GRM6: variants seen among roughly 807,000 people sequenced by gnomAD.
GRM6 encodes metabotropic glutamate receptor 6.
GRM6 carries 73 observed loss-of-function variants against 78.4 expected under a neutral mutation model. That is an observed-to-expected ratio of 0.93 (90% confidence interval 0.77 to 1.13). The LOEUF is 1.13. GRM6 is among the 50% of genes most tolerant of loss of function. The pLI is 0.00. For missense variants in GRM6, 1,251 were observed against 1,256.4 expected, an observed-to-expected ratio of 1.00 and a Z score of 0.07; for synonymous variants, 580 against 555.0, an observed-to-expected ratio of 1.05 and a Z score of -0.63.
chr5:178,982,090 CACCTGGGGAAGCGGG>C (rs1561714816), intron 10 of GRM6, among the ~76,000 whole-genome samples: 1 of 152,178 alleles, frequency 6.6e-6, no homozygotes, highest in East Asian at 1.9e-4. Context: ...AACAGAGAGA[CACCTGGGGAAGCGGG>C]AGCCGGGGCA....
At position 178,991,808 on chromosome 5, in the gene GRM6, C is replaced by A. The variant is rs767233448; in HGVS notation, c.721+59G>T. Reference sequence around the variant, plus strand: ...CCCCATCTTTCTGCTTCTGCCCCAACTGAGGGCCCCGGGCCCACACTATGT... The same window carrying A: ...CCCCATCTTTCTGCTTCTGCCCCAAATGAGGGCCCCGGGCCCACACTATGT... On this transcript the variant is annotated intron_variant, in intron 3 of 10. Coordinates refer to ENST00000517717, the MANE Select transcript of GRM6 (RefSeq NM_000843.4). The surrounding 1 kb of genome is among the most constrained non-coding windows in gnomAD (Gnocchi z 5.0). 4 of 1,446,768 alleles carry A rather than the reference C, an allele frequency of 2.8e-6. No individual in the cohort carries two copies. The highest frequency in any genetic ancestry group is 2.8e-5 in the African/African-American group (2 of 71,200). The allele number at this position is 1,446,768 out of a possible 1,614,324, so 89.6% of individuals were successfully genotyped here. A position where few individuals can be genotyped will look rare whatever the true frequency, so the allele number is the denominator to read the frequency against.
At chr5:178,993,848 A>C (rs757488684) in intron 2 of GRM6, among the ~76,000 whole-genome samples, 3 of 152,170 alleles carry the variant, frequency 2.0e-5, no homozygotes, top group Non-Finnish European at 4.4e-5. Flanking sequence ...GCAGGAGACC[A>C]GAGCTCAGAA....
intron 10 of GRM6, among the ~76,000 whole-genome samples, chr5:178,982,576 CAAAAAAAA>C (rs70997654): frequency 5.0e-5 from 1 of 20,166 alleles, no homozygotes; most frequent in Non-Finnish European, 7.7e-5. Flanking sequence ...GACTCTGTCT[CAAAAAAAA>C]AAAAAAAAAA....
At chr5:178,987,617 G>A (rs2113332741) in intron 7 of GRM6, 1 of 368,498 alleles carries the variant, frequency 2.7e-6, no homozygotes, top group East Asian at 7.3e-5. Context: ...ACAATTCATA[G>A]AGAGGGGCCG....
rs1445554284 is a variant in GRM6 at position 178,980,142 on chromosome 5, C to T, written c.*1515G>A. 1 of 154,354 alleles carries T rather than the reference C, an allele frequency of 6.5e-6. No individual in the cohort carries two copies. The highest frequency in any genetic ancestry group is 6.5e-5 in the Admixed American group (1 of 15,276). 9.6% of individuals were successfully genotyped at this position (154,354 alleles called of 1,614,324 possible). A position where few individuals can be genotyped will look rare whatever the true frequency, so the allele number is the denominator to read the frequency against. ...CCCACGGTCAAAACCAACTGCGCAC[C>T]AGAGAAGCTGCATGGGAAAGTTTGT... On this transcript the variant is annotated 3_prime_UTR_variant, in exon 11 of 11. Coordinates refer to ENST00000517717, the MANE Select transcript of GRM6 (RefSeq NM_000843.4). The surrounding 1 kb of genome is among the most constrained non-coding windows in gnomAD (Gnocchi z 4.3).
chr5:178,989,454 T>C (rs1159315481), intron 5 of GRM6, 49 bp from the exon 6 acceptor site: 3 of 1,612,138 alleles, frequency 1.9e-6, no homozygotes, highest in Non-Finnish European at 2.5e-6. Flanking sequence ...GAGCCAGCTG[T>C]GTTTCTCCTG....
intron 7 of GRM6, among the ~76,000 whole-genome samples, chr5:178,987,885 G>A (rs1048644071): frequency 2.7e-4 from 40 of 147,900 alleles, no homozygotes; most frequent in Admixed American, 5.4e-4. Flanking sequence ...TCAGACTCCC[G>A]AGTAGCTGGG....
At position 178,986,292 on chromosome 5, in the gene GRM6, C is replaced by G; in HGVS notation, c.1962G>C (p.Arg654Ser). Residue 654 changes from arginine to serine, a missense_variant, in exon 9 of 11, where the codon AGG (arginine) becomes AGC (serine). Transcript: ENST00000517717. ...EPGAAVCAAR[R>S]LFLGLGTTLS... ...GGGTCGTGCCCAGGCCCAGGAAGAG[C>G]CTGCGGGCGGCACAGACCGCGGCCC... The G allele has an allele frequency of 6.2e-7, 1 of 1,614,032 alleles. No individual in the cohort carries two copies. The highest frequency in any genetic ancestry group is 8.5e-7 in the Non-Finnish European group (1 of 1,179,966).
intron 9 of GRM6, chr5:178,985,405 A>T (rs1581893101): frequency 3.1e-5 from 2 of 64,254 alleles, no homozygotes; most frequent in Non-Finnish European, 6.2e-5. Flanking sequence ...CTGTGGCCTT[A>T]AAAAAAAAAA....
rs77690756 is a variant in GRM6 at position 178,991,301 on chromosome 5, T to TGG, written c.857+121_857+122dup. On this transcript the variant is annotated intron_variant, in intron 4 of 10. Coordinates refer to ENST00000517717, the MANE Select transcript of GRM6 (RefSeq NM_000843.4). The surrounding 1 kb of genome is among the most constrained non-coding windows in gnomAD (Gnocchi z 5.0). ...GACTCAGAGGCAGCAGCAGGGAAGG[T>TGG]GGGGGGTGCGGGGAGCAGGGGAAAG... The TGG allele has an allele frequency of 4.5e-5, 43 of 946,562 alleles. 1 individual carries two copies. The highest frequency in any genetic ancestry group is 2.6e-4 in the South Asian group (20 of 77,276). 58.6% of individuals were successfully genotyped at this position (946,562 alleles called of 1,614,324 possible).
intron 10 of GRM6, among the ~76,000 whole-genome samples, chr5:178,982,537 A>C (rs886516817): frequency 5.6e-5 from 7 of 124,316 alleles, no homozygotes; most frequent in African/African-American, 2.1e-4. Flanking sequence ...AGATCACGCC[A>C]CTGCACTCCA....
In GRM6 at chr5:178,981,849, G is replaced by A. The variant is rs1760401469; in HGVS notation, c.2442C>T (p.Tyr814=). 1 of 1,604,298 alleles carries A rather than the reference G, an allele frequency of 6.2e-7. No homozygotes were observed. Among genetic ancestry groups the A allele is most frequent in the African/African-American group, 1.3e-5 (1 of 74,878 alleles). Residue 814 remains tyrosine (Y), a synonymous_variant, in exon 11 of 11, where the codon TAC becomes TAT. Coordinates refer to ENST00000517717, the MANE Select transcript of GRM6 (RefSeq NM_000843.4). This position sits in a 1 kb window ranked among gnomAD's most constrained non-coding sequence, Gnocchi z 5.1. ...ACACGGTTAGCGTGGTTGTCTGGAT[G>A]TAGATCTAGGCCATGGAAGAGGGGA... ...FGTAQSAEKI[Y]IQTTTLTVSL... is the part of the protein sequence containing the mutation.
In GRM6 at chr5:178,979,868, C is replaced by T. The variant is rs1250784947; in HGVS notation, c.*1789G>A. On this transcript the variant is annotated 3_prime_UTR_variant, in exon 11 of 11. Transcript: ENST00000517717. Reference sequence around the variant, plus strand: ...ACAGGAGAAGAGCCCTATACAATCACGAGGGTGGAACCGCCTTTGGCAAGA... The same window carrying T: ...ACAGGAGAAGAGCCCTATACAATCATGAGGGTGGAACCGCCTTTGGCAAGA... The T allele has an allele frequency of 6.5e-6, 1 of 154,340 alleles. No homozygotes were observed. The highest frequency in any genetic ancestry group is 2.4e-5 in the African/African-American group (1 of 41,514). The allele number at this position is 154,340 out of a possible 1,614,324, so 9.6% of individuals were successfully genotyped here.
intron 7 of GRM6, among the ~76,000 whole-genome samples, chr5:178,987,902 GGCACCC>G (rs1581895795): frequency 2.9e-5 from 4 of 138,376 alleles, no homozygotes; most frequent in East Asian, 4.4e-4. Context: ...TGGGATTATA[GGCACCC>G]GTCGCCATGC....
chr5:178,985,660 G>C (rs577733121), intron 9 of GRM6: 5 of 388,666 alleles, frequency 1.3e-5, no homozygotes, highest in Admixed American at 6.7e-5. Flanking sequence ...CTGAGATAGT[G>C]CCACTGCACT....
intron 1 of GRM6, 124 bp downstream of exon 1, chr5:178,995,152 C>T (rs903533115): frequency 1.4e-5 from 3 of 207,810 alleles, no homozygotes; most frequent in Admixed American, 1.2e-4. Context: ...CGAACCCTGT[C>T]GCCCGGGGTC....
At chr5:178,994,988 G>C in intron 1 of GRM6, 28 bp from the exon 2 acceptor site, 1 of 1,114,658 alleles carries the variant, frequency 9.0e-7, no homozygotes, top group Admixed American at 5.0e-5. Flanking sequence ...GGCGGGGAGC[G>C]CTCTGAGGGC....
chr5:178,984,653 T>C (rs1000690897), intron 9 of GRM6, among the ~76,000 whole-genome samples: 1 of 152,080 alleles, frequency 6.6e-6, no homozygotes, highest in African/African-American at 2.4e-5. Context: ...AGAGGGCACC[T>C]TCTCAGGATG....
chr5:178,989,168 G>A (rs760856783), intron 6 of GRM6, 33 bp from the exon 7 acceptor site: 339 of 1,606,342 alleles, frequency 2.1e-4, no homozygotes, highest in East Asian at 1.2e-3. Flanking sequence ...AAGTGTGCCC[G>A]GCCCCCATGC....
Sources: allele counts gnomAD v4.1 joint callset (sites outside exome capture counted in the v4.1 genomes callset), GRCh38; gene constraint gnomAD v4.1.1; non-coding constraint Gnocchi (gnomAD v3.1); transcripts MANE v1.5; gene names NCBI Gene and HGNC (gene_info 2026-07-23, HGNC 2026-07-21).